The following FOCAD variants were observed in gnomAD, a reference collection of about 807,000 sequenced individuals.
The protein encoded by FOCAD is focadhesin.
FOCAD carries 198 observed loss-of-function variants against 225.6 expected under a neutral mutation model. The observed-to-expected ratio is 0.88, with a 90% CI of 0.78 to 0.99. The LOEUF (loss-of-function observed/expected upper bound fraction) is 0.99. Ranked by LOEUF, FOCAD falls within the 50% of genes least tolerant of loss-of-function variation. The probability of loss-of-function intolerance (pLI) is 0.00; values close to 1 mark genes in which losing one functional copy is unlikely to be tolerated. For missense variants in FOCAD, 2,713 were observed against 2,123.6 expected (o/e 1.28, Z -5.46); for synonymous variants, 897 against 755.0 (o/e 1.19, Z -3.08).
At chr9:20,663,617 G>A (rs2131262049) in intron 2 of FOCAD, among the ~76,000 whole-genome samples, 1 of 152,010 alleles carries the variant, frequency 6.6e-6, no homozygotes, top group East Asian at 1.9e-4. Context: ...CTAAGACATG[G>A]GCCCTCTTTT....
At chr9:20,684,857 G>T (rs569453707) in intron 1 of FOCAD, among the ~76,000 whole-genome samples, 15 of 152,342 alleles carry the variant, frequency 9.8e-5, no homozygotes, top group African/African-American at 2.9e-4. Context: ...CTCTGGCTCC[G>T]TCCGCACTTG....
chr9:20,891,838 G>A (rs1459671821), intron 21 of FOCAD, among the ~76,000 whole-genome samples: 2 of 152,210 alleles, frequency 1.3e-5, no homozygotes, highest in African/African-American at 2.4e-5. Flanking sequence ...CAATGTAGGT[G>A]AAAGAGCTGT....
intron 15 of FOCAD, among the ~76,000 whole-genome samples, chr9:20,847,019 G>T (rs1827181963): frequency 1.3e-5 from 2 of 152,144 alleles, no homozygotes; most frequent in African/African-American, 4.8e-5. Flanking sequence ...CAAAACATCT[G>T]TCAAGTAGAA....
chr9:20,905,947 T>TTTA (rs1554721292), intron 21 of FOCAD, among the ~76,000 whole-genome samples: 1 of 151,132 alleles, frequency 6.6e-6, no homozygotes, highest in African/African-American at 2.4e-5. Flanking sequence ...TTTTTTTTTT[T>TTTA]AAAAACAGCA....
chr9:20,962,699 A>ATAC (rs1230782773), intron 35 of FOCAD, among the ~76,000 whole-genome samples: 3 of 152,162 alleles, frequency 2.0e-5, no homozygotes, highest in African/African-American at 4.8e-5. Flanking sequence ...ATGTTCGGAT[A>ATAC]TACTGTTTAT....
rs1491580501 is a variant in FOCAD at position 20,815,124 on chromosome 9, T to TG, written c.1456-4672_1456-4671insG. Among the ~76,000 whole-genome samples the TG allele has an allele frequency of 4.5e-3, 131 of 28,824 alleles. 9 individuals carry two copies. Among genetic ancestry groups the TG allele is most frequent in the Middle Eastern group, 0.056 (2 of 36 alleles). 18.9% of individuals were successfully genotyped at this position (28,824 alleles called of 152,430 possible). On this transcript the variant is annotated intron_variant, in intron 11 of 43. Coordinates refer to ENST00000338382, the MANE Select transcript of FOCAD (RefSeq NM_001375567.1). ...CTGGAAATATCATTACTTCTCTTTG[T>TG]TTTTTTTTTTTTGTTTTTTTTTTTT...
intron 6 of FOCAD, among the ~76,000 whole-genome samples, chr9:20,759,406 C>T (rs558237960): frequency 8.5e-5 from 13 of 152,190 alleles, no homozygotes; most frequent in South Asian, 8.3e-4. Context: ...GAAATAACGC[C>T]GCATATCTAC....
upstream of FOCAD, among the ~76,000 whole-genome samples, chr9:20,681,478 ATTTATT>A (rs1047653836): frequency 6.6e-6 from 1 of 152,224 alleles, no homozygotes; most frequent in African/African-American, 2.4e-5. Flanking sequence ...AATTGAATAA[ATTTATT>A]TTTATGAAAA....
chr9:20,823,951 G>A (rs1013289437), intron 15 of FOCAD, among the ~76,000 whole-genome samples: 1 of 152,062 alleles, frequency 6.6e-6, no homozygotes, highest in Admixed American at 6.6e-5. Flanking sequence ...TACAGATGAG[G>A]AAGATAGACC....
intron 11 of FOCAD, among the ~76,000 whole-genome samples, chr9:20,794,302 A>T (rs1225186312): frequency 1.8e-4 from 28 of 152,222 alleles, no homozygotes; most frequent in Non-Finnish European, 1.3e-4. Context: ...GAGAAAGAAG[A>T]AATTTGAAAG....
chr9:20,685,123 G>T (rs899004532), intron 1 of FOCAD, among the ~76,000 whole-genome samples: 1 of 151,832 alleles, frequency 6.6e-6, no homozygotes, highest in Non-Finnish European at 1.5e-5. Flanking sequence ...CTCATACCAG[G>T]TATTAAAATC....
At chr9:20,728,598 G>A (rs1361503129) in intron 4 of FOCAD, among the ~76,000 whole-genome samples, 1 of 152,078 alleles carries the variant, frequency 6.6e-6, no homozygotes, top group African/African-American at 2.4e-5. Flanking sequence ...TGAAAATTGT[G>A]GCACCTTTTT....
chr9:20,768,510 T>C (rs1817827071), intron 7 of FOCAD, among the ~76,000 whole-genome samples: 1 of 151,718 alleles, frequency 6.6e-6, no homozygotes, highest in Non-Finnish European at 1.5e-5. Context: ...CCTTGAGCAG[T>C]GGTTTGTAGT....
At chr9:20,953,506 A>G (rs1837871648) in intron 35 of FOCAD, among the ~76,000 whole-genome samples, 2 of 152,032 alleles carry the variant, frequency 1.3e-5, no homozygotes, top group East Asian at 1.9e-4. Flanking sequence ...TCTAGTTCCT[A>G]TTTTTAGTTT....
chr9:20,870,472 C>A (rs1221896638), intron 18 of FOCAD, among the ~76,000 whole-genome samples: 1 of 152,184 alleles, frequency 6.6e-6, no homozygotes, highest in African/African-American at 2.4e-5. Flanking sequence ...TACAGATGGT[C>A]CCCAACTACG....
At chr9:20,678,726 G>A (rs937238662) in intron 2 of FOCAD, among the ~76,000 whole-genome samples, 13 of 152,188 alleles carry the variant, frequency 8.5e-5, no homozygotes, top group Admixed American at 4.6e-4. Flanking sequence ...GCTGTGTTAC[G>A]TGACCAAATG....
chr9:20,755,984 G>A (rs564913295), intron 5 of FOCAD, among the ~76,000 whole-genome samples: 3 of 152,094 alleles, frequency 2.0e-5, no homozygotes, highest in Non-Finnish European at 4.4e-5. Flanking sequence ...AATTGAACAC[G>A]ACCTGCTGAA....
intron 15 of FOCAD, among the ~76,000 whole-genome samples, chr9:20,832,222 TATG>T (rs1324724276): frequency 1.3e-5 from 2 of 152,006 alleles, no homozygotes; most frequent in African/African-American, 2.4e-5. Flanking sequence ...TGCTGGATCA[TATG>T]ATAATTCTAT....
chr9:20,949,558 T>G (rs1388277965), intron 32 of FOCAD, 46 bp from the exon 33 acceptor site: 7 of 1,521,070 alleles, frequency 4.6e-6, no homozygotes, highest in Non-Finnish European at 6.4e-6. Flanking sequence ...ACTCTTAACT[T>G]TTTTATGGGG....
Sources: gnomAD v4.1 joint callset for allele counts (sites outside exome capture counted in the v4.1 genomes callset) on GRCh38, gnomAD v4.1.1 for gene constraint, MANE v1.5 for transcripts, NCBI Gene and HGNC (gene_info 2026-07-23, HGNC 2026-07-21) for gene names.